EVC: variants seen among roughly 807,000 people sequenced by gnomAD.
EVC encodes the protein EvC ciliary complex subunit 1, also known as evC complex member EVC.
EVC carries 116 observed loss-of-function variants against 118.9 expected under a neutral mutation model. The ratio of observed to expected loss-of-function variants is 0.98; its 90% CI spans 0.84 to 1.14. The LOEUF is 1.14. Ranked by LOEUF, EVC falls within the 50% of genes most tolerant of loss-of-function variation. The probability of loss-of-function intolerance (pLI) is 0.00; values close to 1 mark genes in which losing one functional copy is unlikely to be tolerated. For missense variants in EVC, 1,401 were observed against 1,246.4 expected, an observed-to-expected ratio of 1.12 and a Z score of -1.87; for synonymous variants, 619 against 534.7, an observed-to-expected ratio of 1.16 and a Z score of -2.18.
In EVC at chr4:5,741,758, C is replaced by T; in HGVS notation, c.745C>T (p.Pro249Ser). The T allele has an allele frequency of 1.3e-6, 2 of 1,574,496 alleles. No homozygotes were observed. Among genetic ancestry groups the T allele is most frequent in the Non-Finnish European group, 8.7e-7 (1 of 1,145,688 alleles). Reference sequence around the variant, plus strand: ...TAAAATGTGCCTCCTTGACCTTCTTCCTAAAAAGAAGTCAGATGATGAACT... The same window carrying T: ...TAAAATGTGCCTCCTTGACCTTCTTTCTAAAAAGAAGTCAGATGATGAACT... ...IFKMCLLDLL[P>S]KKKSDDELYQ... Residue 249 changes from proline to serine, a missense_variant, in exon 6 of 21, where the codon CCT becomes TCT. Transcript: ENST00000264956.
At position 5,711,388 on chromosome 4, in the gene EVC, G is replaced by C. The variant is rs756852655; in HGVS notation, c.8G>C (p.Arg3Pro). Residue 3 changes from arginine (R) to proline (P), a missense_variant, in exon 1 of 21, where the codon CGC becomes CCC. Transcript: ENST00000264956. Reference protein sequence around the residue: MARGGAACKSDAR... With the variant: MAPGGAACKSDAR... ...GCAGCCTGAGCGCCCCGGATGGCCCGCGGCGGGGCGGCCTGCAAGAGCGAC... is the reference window on the plus strand; with the variant it reads ...GCAGCCTGAGCGCCCCGGATGGCCCCCGGCGGGGCGGCCTGCAAGAGCGAC... 3.7e-3 allele frequency: 3,713 copies of C among 1,012,094 alleles called. 8 individuals carry two copies. The highest frequency in any genetic ancestry group is 4.2e-3 in the Non-Finnish European group (3,583 of 849,934). The allele number at this position is 1,012,094 out of a possible 1,614,324, so 62.7% of individuals were successfully genotyped here. A position where few individuals can be genotyped will look rare whatever the true frequency, so the allele number is the denominator to read the frequency against.
In EVC at chr4:5,811,024, G is replaced by C. The variant is rs866836081; in HGVS notation, c.2966G>C (p.Arg989Thr). The part of the protein sequence containing the change: ...SGNSKKMLKR[R>T]SNL ...AACTCAAAGAAGATGCTAAAGAGAA[G>C]AAGCAACTTGTAGTTTAAGACCAGT... The change falls in exon 21 of 21, where the codon AGA becomes ACA. Residue 989 changes from arginine (R) to threonine (T), a missense_variant. Physicochemically the swap from Arg to Thr is moderately conservative, Grantham distance 71. Coordinates refer to ENST00000264956, the MANE Select transcript of EVC (RefSeq NM_153717.3). The C allele has an allele frequency of 1.2e-6, 2 of 1,611,942 alleles. No homozygotes were observed. Among genetic ancestry groups the C allele is most frequent in the East Asian group, 4.5e-5 (2 of 44,786 alleles).
Position 5,809,494 on chromosome 4 carries a change from TG to T in EVC, c.2689-23del, listed in dbSNP as rs200834058. The T allele has an allele frequency of 1.1e-3, 1,831 of 1,610,120 alleles. 21 individuals carry two copies. The African/African-American group carries it at 0.02, about 17-fold the overall frequency. ...GAAGTCAGAGGGAGGCCCAGCTGAATGCTCCTCTCTGCTTGCATTTCAGGAA... is the reference window on the plus strand; with the variant it reads ...GAAGTCAGAGGGAGGCCCAGCTGAATCTCCTCTCTGCTTGCATTTCAGGAA... On this transcript the variant is annotated intron_variant, in intron 18 of 20. Coordinates refer to ENST00000264956, the MANE Select transcript of EVC (RefSeq NM_153717.3).
intron 12 of EVC, among the ~76,000 whole-genome samples, chr4:5,784,671 G>C (rs189892205): frequency 7.1e-6 from 1 of 140,964 alleles, no homozygotes; most frequent in East Asian, 2.1e-4. Flanking sequence ...GCAATGGTGC[G>C]ATCTTGGCTC....
At chr4:5,800,124 C>A (rs1377210268) in intron 15 of EVC, among the ~76,000 whole-genome samples, 2 of 152,216 alleles carry the variant, frequency 1.3e-5, no homozygotes, top group African/African-American at 4.8e-5. Context: ...GCGGGTGGAT[C>A]ACTTGAGGTC....
chr4:5,808,068 G>GT (rs963210353), intron 17 of EVC, 133 bp from the exon 18 acceptor site: 2 of 741,124 alleles, frequency 2.7e-6, no homozygotes, highest in African/African-American at 1.8e-5. Context: ...GCTGTGAATG[G>GT]TGCCCCCGAT....
intron 1 of EVC, among the ~76,000 whole-genome samples, chr4:5,715,033 CA>C (rs1245406163): frequency 6.6e-6 from 1 of 151,644 alleles, no homozygotes; most frequent in Non-Finnish European, 1.5e-5. Flanking sequence ...AGGCTGGTCT[CA>C]AACTCCTGGG....
chr4:5,733,461 C>G, intron 5 of EVC, 26 bp downstream of exon 5: 1 of 1,588,910 alleles, frequency 6.3e-7, no homozygotes, highest in African/African-American at 1.3e-5. Context: ...CGCATTCCCT[C>G]CTTTTCATGG....
At chr4:5,784,303 G>A (rs1281576999) in intron 12 of EVC, among the ~76,000 whole-genome samples, 2 of 152,158 alleles carry the variant, frequency 1.3e-5, no homozygotes, top group African/African-American at 2.4e-5. Flanking sequence ...GTTCTTACAG[G>A]AGACAGGCAG....
At chr4:5,720,496 A>T (rs1724764984) in intron 2 of EVC, among the ~76,000 whole-genome samples, 1 of 151,416 alleles carries the variant, frequency 6.6e-6, no homozygotes, top group Non-Finnish European at 1.5e-5. Flanking sequence ...CTCCTTTCCA[A>T]CCTGTTCCAT....
chr4:5,801,730 T>C lies in EVC; in HGVS notation c.2305-220T>C, dbSNP rs900491011. On this transcript the variant is annotated intron_variant, in intron 15 of 20. Coordinates refer to ENST00000264956, the MANE Select transcript of EVC (RefSeq NM_153717.3). ...GCCTCTTAGCCGACTTTCCCTAACA[T>C]CGCATTTCATTGGCTCTAGACATCC... 1.1e-4 allele frequency: 48 copies of C among 434,334 alleles called. No individual in the cohort carries two copies. In the East Asian group the frequency reaches 2.1e-3, roughly 19 times the overall value. The allele number at this position is 434,334 out of a possible 1,614,324, so 26.9% of individuals were successfully genotyped here. A position where few individuals can be genotyped will look rare whatever the true frequency, so the allele number is the denominator to read the frequency against.
chr4:5,828,752 A>T, the EVC span: 1 of 1,478,150 alleles, frequency 6.8e-7, no homozygotes, highest in Non-Finnish European at 9.2e-7. Flanking sequence ...GCCTAACATT[A>T]TATCATAAGC....
At chr4:5,784,520 G>A (rs755480494) in intron 12 of EVC, among the ~76,000 whole-genome samples, 5 of 151,686 alleles carry the variant, frequency 3.3e-5, no homozygotes, top group Non-Finnish European at 2.9e-5. Flanking sequence ...CCTCAAAACT[G>A]TAAGATAGCA....
Position 5,754,224 on chromosome 4 carries a change from G to C in EVC, c.1464+291G>C, listed in dbSNP as rs188256220. Among the ~76,000 whole-genome samples, 2 of 152,304 alleles carry C rather than the reference G, an allele frequency of 1.3e-5. No individual in the cohort carries two copies. The highest frequency in any genetic ancestry group is 2.1e-4 in the South Asian group (1 of 4,832). On this transcript the variant is annotated intron_variant, in intron 10 of 20. Transcript: ENST00000264956. This position sits in a 1 kb window ranked among gnomAD's most constrained non-coding sequence, Gnocchi z 5.8. ...TGCAGACGCATGGCAGGAGCACACA[G>C]ATGGTGGCAATGGCGTGAAGGGAGC...
At chr4:5,804,497 G>A (rs1253264580) in intron 16 of EVC, among the ~76,000 whole-genome samples, 5 of 152,164 alleles carry the variant, frequency 3.3e-5, no homozygotes, top group African/African-American at 4.8e-5. Flanking sequence ...ATACAAGAAA[G>A]CTACAGGTGG....
At chr4:5,744,581 A>G (rs953965678) in intron 6 of EVC, among the ~76,000 whole-genome samples, 1 of 152,168 alleles carries the variant, frequency 6.6e-6, no homozygotes, top group African/African-American at 2.4e-5. Flanking sequence ...TGTGGCTTAC[A>G]TGCACAGCTA....
intron 1 of EVC, among the ~76,000 whole-genome samples, chr4:5,712,701 C>T (rs1487325605): frequency 2.6e-5 from 4 of 152,078 alleles, no homozygotes; most frequent in Non-Finnish European, 4.4e-5. Context: ...AGCATTACAC[C>T]GCAAAGAGCT....
chr4:5,808,246 C>G lies in EVC; in HGVS notation c.2607C>G (p.His869Gln). 1 of 1,613,780 alleles carries G rather than the reference C, an allele frequency of 6.2e-7. No individual in the cohort carries two copies. The highest frequency in any genetic ancestry group is 8.5e-7 in the Non-Finnish European group (1 of 1,179,860). Reference protein sequence around the residue: ...QKRFLAQFPVHQQMRLHAQQQ... With the variant: ...QKRFLAQFPVQQQMRLHAQQQ... The stretch of plus-strand genomic sequence containing the variant: ...GGTTCCTGGCCCAGTTCCCAGTGCA[C>G]CAGCAGATGCGTCTGCACGCCCAGC... The change falls in exon 18 of 21, where the codon CAC becomes CAG. Residue 869 changes from histidine to glutamine, a missense_variant. His to Gln is a conservative substitution (Grantham distance 24). Coordinates refer to ENST00000264956, the MANE Select transcript of EVC (RefSeq NM_153717.3).
chr4:5,822,159 C>T, the EVC span, among the ~76,000 whole-genome samples: 2 of 152,358 alleles, frequency 1.3e-5, no homozygotes, highest in Non-Finnish European at 1.5e-5. Context: ...CTACTGTGTG[C>T]AGGCGCACAT....
Sources: allele counts gnomAD v4.1 joint callset (sites outside exome capture counted in the v4.1 genomes callset), GRCh38; gene constraint gnomAD v4.1.1; non-coding constraint Gnocchi (gnomAD v3.1); transcripts MANE v1.5; gene names NCBI Gene and HGNC (gene_info 2026-07-23, HGNC 2026-07-21).